The following NUP210 variants were observed in gnomAD, a reference collection of about 807,000 sequenced individuals.
NUP210 encodes the protein nucleoporin 210.
In NUP210, 151 loss-of-function variants were observed where a neutral mutation model predicts 196.0. That is an observed-to-expected ratio of 0.77 (90% CI 0.67 to 0.88). The LOEUF (loss-of-function observed/expected upper bound fraction) is 0.88, where lower values mean the gene tolerates loss of function less well. Ranked by LOEUF, NUP210 falls within the 40% of genes least tolerant of loss-of-function variation. The pLI is 0.00. For missense variants in NUP210, 2,314 were observed against 2,493.7 expected, an observed-to-expected ratio of 0.93 and a Z score of 1.53; for synonymous variants, 1,070 against 1,052.7, an observed-to-expected ratio of 1.02 and a Z score of -0.32.
At chr3:13,336,642 GGA>G (rs1559313560) in intron 27 of NUP210, 143 bp downstream of exon 27, 2 of 834,686 alleles carry the variant, frequency 2.4e-6, no homozygotes, top group Admixed American at 2.6e-5. Flanking sequence ...ATGAGCCTCG[GGA>G]GAGGGAAGAA....
In NUP210 at chr3:13,327,434, G is replaced by A. The variant is rs13081937; in HGVS notation, c.4290C>T (p.Asp1430=). ...SSVLNFATNR[D]DFVQIGKGPT... ...GGCCCTTCCCGATCTGCACAAAGTC[G>A]TCTCTAGGCACAGGAGAGAAAGGAG... The change falls in exon 32 of 40, where the codon GAC becomes GAT. Residue 1430 remains aspartate, a synonymous_variant. Coordinates refer to ENST00000254508, the MANE Select transcript of NUP210 (RefSeq NM_024923.4). The A allele has an allele frequency of 2.7e-5, 44 of 1,606,938 alleles. No homozygotes were observed. Among genetic ancestry groups the A allele is most frequent in the Non-Finnish European group, 3.4e-5 (40 of 1,175,744 alleles).
chr3:13,360,064 C>T (rs1419233488), intron 15 of NUP210, among the ~76,000 whole-genome samples: 1 of 152,222 alleles, frequency 6.6e-6, no homozygotes, highest in Non-Finnish European at 1.5e-5. Context: ...GCTGGCATAG[C>T]GGGAGGTCCC....
At chr3:13,410,162 A>G (rs949106330) in intron 1 of NUP210, among the ~76,000 whole-genome samples, 1 of 148,878 alleles carries the variant, frequency 6.7e-6, no homozygotes, top group African/African-American at 2.5e-5. Flanking sequence ...GTGCCCAGCT[A>G]TTACTGATTT....
chr3:13,385,578 C>T (rs751123124), intron 6 of NUP210, among the ~76,000 whole-genome samples: 1 of 152,238 alleles, frequency 6.6e-6, no homozygotes, highest in Non-Finnish European at 1.5e-5. Flanking sequence ...TGGAGAAGGG[C>T]AGTGGCTTGT....
At position 13,368,740 on chromosome 3, in the gene NUP210, G is replaced by A. The variant is rs138892532; in HGVS notation, c.1787-2649C>T. Among the ~76,000 whole-genome samples, 23 of 152,336 alleles carry A rather than the reference G, an allele frequency of 1.5e-4. No individual in the cohort carries two copies. In the East Asian group the frequency reaches 4.0e-3, roughly 27 times the overall value. On this transcript the variant is annotated intron_variant, in intron 13 of 39. Coordinates refer to ENST00000254508, the MANE Select transcript of NUP210 (RefSeq NM_024923.4). ...CATGATGTCTTCAAGGTTCTTCCAT[G>A]TTGCAGCATGGGTCGGAATTTCCTT...
chr3:13,361,795 C>T (rs1698381030), intron 14 of NUP210, among the ~76,000 whole-genome samples: 1 of 152,338 alleles, frequency 6.6e-6, no homozygotes, highest in East Asian at 1.9e-4. Flanking sequence ...ACAGGCTCAG[C>T]TTCTGTCCTG....
chr3:13,405,662 G>A (rs1399660053), intron 1 of NUP210, among the ~76,000 whole-genome samples: 3 of 152,290 alleles, frequency 2.0e-5, no homozygotes, highest in African/African-American at 7.2e-5. Flanking sequence ...CTGAGGAAAG[G>A]AAAGGGCACC....
At chr3:13,368,622 C>T (rs1229737636) in intron 13 of NUP210, among the ~76,000 whole-genome samples, 1 of 152,200 alleles carries the variant, frequency 6.6e-6, no homozygotes, top group Non-Finnish European at 1.5e-5. Flanking sequence ...TACCATTATA[C>T]TTCCTATCTT....
chr3:13,325,693 C>T (rs560990305), intron 33 of NUP210, 102 bp downstream of exon 33: 42 of 1,402,144 alleles, frequency 3.0e-5, no homozygotes, highest in South Asian at 2.1e-4. Context: ...ACCCCTCAGA[C>T]GGCTTTTCCC....
intron 26 of NUP210, 49 bp downstream of exon 26, chr3:13,337,788 G>T: frequency 1.3e-6 from 2 of 1,525,180 alleles, no homozygotes; most frequent in Non-Finnish European, 1.8e-6. Flanking sequence ...CAGGGTCCCA[G>T]CAGTGGCTCT....
intron 27 of NUP210, 32 bp downstream of exon 27, chr3:13,336,755 G>T: frequency 6.2e-7 from 1 of 1,606,204 alleles, no homozygotes; most frequent in South Asian, 1.1e-5. Context: ...GACAGGGGTG[G>T]GAGGTGAGCT....
chr3:13,352,122 C>T lies in NUP210; in HGVS notation c.2691G>A (p.Val897=). 7.4e-6 allele frequency: 12 copies of T among 1,614,094 alleles called. No homozygotes were observed. The highest frequency in any genetic ancestry group is 1.1e-5 in the South Asian group (1 of 91,064). The change falls in exon 19 of 40, where the codon GTG becomes GTA. Residue 897 remains valine, a synonymous_variant. Transcript: ENST00000254508. ...TGTAGATGGTCACCTCTTCTGGGCTCACCCTCACGTCCTCCACCAGGATGA... is the reference window on the plus strand; with the variant it reads ...TGTAGATGGTCACCTCTTCTGGGCTTACCCTCACGTCCTCCACCAGGATGA... ...IELILVEDVR[V]SPEEVTIYNH...
chr3:13,363,023 C>T (rs1021102650), intron 14 of NUP210, among the ~76,000 whole-genome samples: 2 of 152,168 alleles, frequency 1.3e-5, no homozygotes, highest in Non-Finnish European at 2.9e-5. Context: ...AGTGTGGGAC[C>T]TTAAACAAGT....
In NUP210 at chr3:13,339,963, A is replaced by T. The variant is rs1188834744; in HGVS notation, c.3362T>A (p.Leu1121Gln). ...LFSISNESVA[L>Q]VSAAGLVQGL... ...CTGTACCAGCCCAGCAGCGCTCACC[A>T]GCGCAACGCTCTCATTGCTGATGGA... The change falls in exon 25 of 40, where the codon CTG (leucine) becomes CAG (glutamine). Residue 1121 changes from leucine to glutamine, a missense_variant. Leu to Gln is a moderately radical substitution (Grantham distance 113, BLOSUM62 -2). Transcript: ENST00000254508. The T allele has an allele frequency of 6.2e-7, 1 of 1,614,044 alleles. No homozygotes were observed. Among genetic ancestry groups the T allele is most frequent in the Non-Finnish European group, 8.5e-7 (1 of 1,180,028 alleles).
chr3:13,400,946 AC>A (rs1699815909), intron 1 of NUP210, among the ~76,000 whole-genome samples: 1 of 152,094 alleles, frequency 6.6e-6, no homozygotes, highest in Admixed American at 6.6e-5. Flanking sequence ...CTTGTCAGAA[AC>A]TGCCTGGTGT....
chr3:13,350,474 AAACAAAAAAC>A lies in NUP210; in HGVS notation c.2835+1395_2835+1404del, dbSNP rs1445481598. On this transcript the variant is annotated intron_variant, in intron 20 of 39. Coordinates refer to ENST00000254508, the MANE Select transcript of NUP210 (RefSeq NM_024923.4). The surrounding 1 kb of genome is among the most constrained non-coding windows in gnomAD (Gnocchi z 4.1). ...AAACAAAACAAAACAAAACAAAACA[AAACAAAAAAC>A]AAAACAAAACAGGAAAACATGACCC... Among the ~76,000 whole-genome samples the A allele has an allele frequency of 1.2e-5, 1 of 80,998 alleles. No individual in the cohort carries two copies. 53.1% of individuals were successfully genotyped at this position (80,998 alleles called of 152,430 possible). A position where few individuals can be genotyped will look rare whatever the true frequency, so the allele number is the denominator to read the frequency against.
At chr3:13,397,166 C>G (rs1051078528) in intron 3 of NUP210, among the ~76,000 whole-genome samples, 191 bp downstream of exon 3, 1 of 152,148 alleles carries the variant, frequency 6.6e-6, no homozygotes, top group Non-Finnish European at 1.5e-5. Flanking sequence ...GCTTGAGGCC[C>G]ACCTCAGAGG....
chr3:13,389,530 G>C (rs1391377196), intron 4 of NUP210, among the ~76,000 whole-genome samples: 3 of 152,192 alleles, frequency 2.0e-5, no homozygotes, highest in Non-Finnish European at 4.4e-5. Context: ...CTGGAATCCA[G>C]GTCTCTGACT....
At chr3:13,403,655 C>T (rs947987801) in intron 1 of NUP210, among the ~76,000 whole-genome samples, 4 of 152,200 alleles carry the variant, frequency 2.6e-5, no homozygotes, top group African/African-American at 4.8e-5. Flanking sequence ...TCTGTGGACA[C>T]CTCTGACCCC....
Sources: gnomAD v4.1 joint callset for allele counts (sites outside exome capture counted in the v4.1 genomes callset) on GRCh38, gnomAD v4.1.1 for gene constraint, Gnocchi (gnomAD v3.1) non-coding constraint, MANE v1.5 for transcripts, NCBI Gene and HGNC (gene_info 2026-07-23, HGNC 2026-07-21) for gene names.